RBFOX1: variants seen among roughly 807,000 people sequenced by gnomAD.
RBFOX1 encodes RNA binding fox-1 homolog 1, also known as RNA binding protein fox-1 homolog 1.
In RBFOX1, 8 loss-of-function variants were observed where a neutral mutation model predicts 57.7. That is an observed-to-expected ratio of 0.14 (90% CI 0.08 to 0.25). The LOEUF is 0.25. Ranked by LOEUF, RBFOX1 falls within the 10% of genes least tolerant of loss-of-function variation. The pLI is 1.00. For synonymous variants in RBFOX1, 326 were observed against 222.4 expected (o/e 1.47, Z -4.15); for missense variants, 611 against 548.5 (o/e 1.11, Z -1.14).
intron 1 of RBFOX1, among the ~76,000 whole-genome samples, chr16:5,273,002 CT>C (rs2063052862): frequency 6.6e-6 from 1 of 152,166 alleles, no homozygotes; most frequent in Non-Finnish European, 1.5e-5. Context: ...CTTTCAAACT[CT>C]TGGCTCCTGG....
intron 4 of RBFOX1, among the ~76,000 whole-genome samples, chr16:5,952,205 C>T (rs1305244813): frequency 2.0e-5 from 3 of 151,156 alleles, no homozygotes; most frequent in African/African-American, 7.3e-5. Context: ...GGCTGGAGTG[C>T]AGCAGTGTGA....
At chr16:6,699,293 A>C (rs115111584) in intron 3 of RBFOX1, among the ~76,000 whole-genome samples, 2 of 144,170 alleles carry the variant, frequency 1.4e-5, no homozygotes, top group Admixed American at 7.0e-5. Context: ...TATCCTCCCT[A>C]TGTTACTTTT....
chr16:6,822,613 G>A (rs1298112208), intron 3 of RBFOX1, among the ~76,000 whole-genome samples: 1 of 152,140 alleles, frequency 6.6e-6, no homozygotes, highest in Non-Finnish European at 1.5e-5. Flanking sequence ...TCTAAGTTAT[G>A]GCAGATGAAG....
intron 4 of RBFOX1, among the ~76,000 whole-genome samples, chr16:5,928,655 G>A (rs2058984898): frequency 6.6e-6 from 1 of 151,000 alleles, no homozygotes; most frequent in South Asian, 2.1e-4. Flanking sequence ...CAGAGCCGAT[G>A]CTGACCAGGT....
At chr16:5,347,758 C>T (rs2065173692) in intron 1 of RBFOX1, among the ~76,000 whole-genome samples, 1 of 147,668 alleles carries the variant, frequency 6.8e-6, no homozygotes, top group Non-Finnish European at 1.5e-5. Context: ...GTCAACCCAT[C>T]CACCCACACT....
chr16:6,539,721 C>A (rs2096785119), intron 2 of RBFOX1, among the ~76,000 whole-genome samples: 1 of 151,756 alleles, frequency 6.6e-6, no homozygotes, highest in Non-Finnish European at 1.5e-5. Context: ...TTGCTTGAAC[C>A]TGGGAAATGG....
chr16:7,094,303 A>T (rs1026063936), intron 4 of RBFOX1, among the ~76,000 whole-genome samples: 1 of 152,156 alleles, frequency 6.6e-6, no homozygotes, highest in African/African-American at 2.4e-5. Context: ...GCAATAGAGC[A>T]TTGTTTTGAC....
intron 4 of RBFOX1, among the ~76,000 whole-genome samples, chr16:7,113,419 C>G (rs2065211715): frequency 6.6e-6 from 1 of 152,168 alleles, no homozygotes; most frequent in Non-Finnish European, 1.5e-5. Context: ...TCTTTCTCAT[C>G]TACTTGCCAT....
chr16:6,888,658 C>T (rs960531476), intron 3 of RBFOX1, among the ~76,000 whole-genome samples: 16 of 152,096 alleles, frequency 1.1e-4, no homozygotes, highest in African/African-American at 3.9e-4. Context: ...TATACTATTT[C>T]TGACCCAGAT....
At chr16:6,096,766 G>C (rs1412623859) in intron 1 of RBFOX1, among the ~76,000 whole-genome samples, 1 of 152,164 alleles carries the variant, frequency 6.6e-6, no homozygotes, top group Non-Finnish European at 1.5e-5. Context: ...TACTAAAATA[G>C]ATAATACCCT....
chr16:7,442,409 C>T (rs1399600611), intron 4 of RBFOX1, among the ~76,000 whole-genome samples: 1 of 152,098 alleles, frequency 6.6e-6, no homozygotes, highest in Admixed American at 6.5e-5. Context: ...GAACTCTGGG[C>T]CCTGCAACTC....
At chr16:6,583,388 C>A (rs2097564552) in intron 2 of RBFOX1, among the ~76,000 whole-genome samples, 1 of 152,170 alleles carries the variant, frequency 6.6e-6, no homozygotes, top group African/African-American at 2.4e-5. Flanking sequence ...AGGAATGATA[C>A]CAGCCAATCA....
intron 2 of RBFOX1, among the ~76,000 whole-genome samples, chr16:5,587,280 G>A (rs748483306): frequency 6.6e-6 from 1 of 152,314 alleles, no homozygotes; most frequent in Non-Finnish European, 1.5e-5. Context: ...TGTCCGAATA[G>A]ACATTCCTCC....
intron 4 of RBFOX1, among the ~76,000 whole-genome samples, chr16:5,977,649 G>C (rs1034934817): frequency 6.6e-6 from 1 of 152,122 alleles, no homozygotes; most frequent in Admixed American, 6.5e-5. Context: ...CCACAGAGAA[G>C]AGAAAACCAA....
intron 3 of RBFOX1, among the ~76,000 whole-genome samples, chr16:6,928,526 C>G (rs185593502): frequency 6.6e-6 from 1 of 152,082 alleles, no homozygotes; most frequent in Non-Finnish European, 1.5e-5. Context: ...CTTGTCTTCT[C>G]TAATCGTTTT....
At chr16:7,420,961 A>AC (rs769109008) in intron 4 of RBFOX1, among the ~76,000 whole-genome samples, 1 of 133,098 alleles carries the variant, frequency 7.5e-6, no homozygotes. Context: ...ACACACACAC[A>AC]TATATATATA....
At chr16:5,348,218 C>T (rs2065187652) in intron 1 of RBFOX1, among the ~76,000 whole-genome samples, 2 of 151,972 alleles carry the variant, frequency 1.3e-5, no homozygotes, top group African/African-American at 2.4e-5. Context: ...ACCCATGCAT[C>T]CACTCATCTA....
intron 1 of RBFOX1, among the ~76,000 whole-genome samples, chr16:6,177,056 A>G (rs901893947): frequency 5.3e-5 from 8 of 152,198 alleles, no homozygotes; most frequent in African/African-American, 1.9e-4. Context: ...GCAACTGAAA[A>G]CAACGTAATA....
intron 3 of RBFOX1, among the ~76,000 whole-genome samples, chr16:6,799,167 A>T (rs1206744051): frequency 6.6e-6 from 1 of 152,084 alleles, no homozygotes; most frequent in African/African-American, 2.4e-5. Flanking sequence ...TTGCTCAGGA[A>T]AGAATTCAAA....
Sources: gnomAD v4.1 joint callset for allele counts (sites outside exome capture counted in the v4.1 genomes callset) on GRCh38, gnomAD v4.1.1 for gene constraint, MANE v1.5 for transcripts, NCBI Gene and HGNC (gene_info 2026-07-23, HGNC 2026-07-21) for gene names.